AP3S1: variants seen among roughly 807,000 people sequenced by gnomAD.
The protein encoded by AP3S1 is AP-3 complex subunit sigma-1.
AP3S1 carries 12 observed loss-of-function variants against 21.3 expected under a neutral mutation model. The ratio of observed to expected loss-of-function variants is 0.56; its 90% CI spans 0.36 to 0.91. The LOEUF (loss-of-function observed/expected upper bound fraction) is 0.91, where lower values mean the gene tolerates loss of function less well. AP3S1 is among the 40% of genes least tolerant of loss of function. The probability of loss-of-function intolerance (pLI) is 0.01; values close to 1 mark genes in which losing one functional copy is unlikely to be tolerated. For synonymous variants in AP3S1, 48 were observed against 78.4 expected, an observed-to-expected ratio of 0.61 and a Z score of 2.05; for missense variants, 116 against 225.0, an observed-to-expected ratio of 0.52 and a Z score of 3.10.
intron 1 of AP3S1, among the ~76,000 whole-genome samples, chr5:115,842,888 AT>A (rs1344764177): frequency 6.6e-6 from 1 of 152,202 alleles, no homozygotes; most frequent in African/African-American, 2.4e-5. Context: ...AAAAGTTATG[AT>A]TTCAGCTTCT....
At chr5:115,906,674 G>A (rs1010243873) in intron 5 of AP3S1, 6 of 542,806 alleles carry the variant, frequency 1.1e-5, no homozygotes, top group Non-Finnish European at 1.8e-5. Context: ...GGTGGGGTTG[G>A]GGAGATCTGT....
intron 1 of AP3S1, among the ~76,000 whole-genome samples, chr5:115,854,116 A>G (rs1762632010): frequency 6.6e-6 from 1 of 152,128 alleles, no homozygotes; most frequent in Admixed American, 6.5e-5. Flanking sequence ...GTGGGAGAAA[A>G]CTTGCTTTGA....
Position 115,895,125 on chromosome 5 carries a change from C to G in AP3S1, c.312C>G (p.Val104=). Residue 104 remains valine (V), a synonymous_variant, in exon 4 of 6, where the codon GTC becomes GTG. Coordinates refer to ENST00000316788, the MANE Select transcript of AP3S1 (RefSeq NM_001284.4). ...VETLDKCFEN[V]CELDLIFHVD... is the part of the protein sequence containing the mutation. ...CATTAGACAAATGTTTTGAAAATGT[C>G]TGTGAGCTGGATTTGATTTTCCATG... 6.2e-7 allele frequency: 1 copy of G among 1,605,740 alleles called. No individual in the cohort carries two copies. Among genetic ancestry groups the G allele is most frequent in the South Asian group, 1.1e-5 (1 of 89,256 alleles).
chr5:115,898,558 GC>G (rs912636346), intron 4 of AP3S1: 1 of 152,238 alleles, frequency 6.6e-6, no homozygotes, highest in African/African-American at 2.4e-5. Context: ...ACAACACGGG[GC>G]TTGGGTTTTA....
At position 115,842,470 on chromosome 5, in the gene AP3S1, C is replaced by T. The variant is rs181033381; in HGVS notation, c.69+364C>T. ...GCGCCCAGTCCCCAAGAGCCCACCC[C>T]GCGCGGCTGCCTTCCTGCCGCCCGC... On this transcript the variant is annotated intron_variant, in intron 1 of 5. Coordinates refer to ENST00000316788, the MANE Select transcript of AP3S1 (RefSeq NM_001284.4). 643 of 185,094 alleles carry T rather than the reference C, an allele frequency of 3.5e-3. 2 individuals carry two copies. The highest frequency in any genetic ancestry group is 0.014 in the African/African-American group (617 of 42,832). 11.5% of individuals were successfully genotyped at this position (185,094 alleles called of 1,614,324 possible).
chr5:115,862,666 A>G (rs1763290337), intron 1 of AP3S1, among the ~76,000 whole-genome samples: 1 of 152,208 alleles, frequency 6.6e-6, no homozygotes, highest in South Asian at 2.1e-4. Context: ...ATGCTGTGTG[A>G]TGCTAATCAT....
At chr5:115,843,273 A>T (rs1204664494) in intron 1 of AP3S1, among the ~76,000 whole-genome samples, 1 of 152,262 alleles carries the variant, frequency 6.6e-6, no homozygotes, top group Non-Finnish European at 1.5e-5. Flanking sequence ...TAAGTCCCAG[A>T]TGGAAATCAA....
intron 5 of AP3S1, among the ~76,000 whole-genome samples, chr5:115,905,799 A>G (rs1345832785): frequency 1.3e-5 from 2 of 152,238 alleles, no homozygotes; most frequent in African/African-American, 2.4e-5. Context: ...GAAACAAAGT[A>G]TAAACTTTTC....
chr5:115,912,716 G>A (rs768355133), intron 5 of AP3S1, among the ~76,000 whole-genome samples: 11 of 151,964 alleles, frequency 7.2e-5, no homozygotes, highest in Non-Finnish European at 1.5e-4. Flanking sequence ...TCAAAGGGTT[G>A]GAATGATCCT....
intron 1 of AP3S1, among the ~76,000 whole-genome samples, chr5:115,852,317 A>T (rs1762493828): frequency 6.6e-6 from 1 of 152,142 alleles, no homozygotes. Context: ...CTTGCTGCTT[A>T]TAAAATGGAA....
chr5:115,904,529 T>G (rs1447581564), intron 5 of AP3S1, among the ~76,000 whole-genome samples: 2 of 152,220 alleles, frequency 1.3e-5, no homozygotes, highest in Non-Finnish European at 2.9e-5. Flanking sequence ...AAGGAGAAGT[T>G]TATAGTGGTG....
chr5:115,870,277 A>T (rs1434215035), intron 3 of AP3S1, 149 bp downstream of exon 3: 1 of 537,680 alleles, frequency 1.9e-6, no homozygotes, highest in Non-Finnish European at 3.2e-6. Flanking sequence ...AGGTCAGAGG[A>T]CATAGAAACA....
At chr5:115,908,607 A>C (rs1189372222) in intron 5 of AP3S1, among the ~76,000 whole-genome samples, 2 of 152,148 alleles carry the variant, frequency 1.3e-5, no homozygotes, top group African/African-American at 4.8e-5. Flanking sequence ...CTATGTTTGA[A>C]ATTAAAGCTA....
At chr5:115,907,588 A>G (rs1473632907) in intron 5 of AP3S1, among the ~76,000 whole-genome samples, 1 of 152,160 alleles carries the variant, frequency 6.6e-6, no homozygotes, top group Non-Finnish European at 1.5e-5. Context: ...ACCAAAATAC[A>G]ATGGGTTTTC....
chr5:115,855,679 A>G (rs1196905531), intron 1 of AP3S1, among the ~76,000 whole-genome samples: 2 of 152,210 alleles, frequency 1.3e-5, no homozygotes, highest in Non-Finnish European at 2.9e-5. Context: ...AAATATAAAA[A>G]AGGCAAAATA....
chr5:115,907,028 T>C (rs1475361905), intron 5 of AP3S1: 1 of 965,314 alleles, frequency 1.0e-6, no homozygotes, highest in Non-Finnish European at 1.2e-6. Context: ...TCTTCATCTT[T>C]TATTGGACTT....
At chr5:115,847,126 T>G (rs1762121942) in intron 1 of AP3S1, among the ~76,000 whole-genome samples, 1 of 152,220 alleles carries the variant, frequency 6.6e-6, no homozygotes, top group Admixed American at 6.5e-5. Context: ...CTGGACTGTG[T>G]CTTTCCCTTC....
At chr5:115,857,746 T>A (rs1762900138) in intron 1 of AP3S1, among the ~76,000 whole-genome samples, 1 of 152,336 alleles carries the variant, frequency 6.6e-6, no homozygotes, top group East Asian at 1.9e-4. Context: ...TAAAAATGAT[T>A]ATTTGGCTGT....
chr5:115,908,869 T>A, intron 5 of AP3S1: 1 of 517,226 alleles, frequency 1.9e-6, no homozygotes. Flanking sequence ...ATTTTCTTTT[T>A]TGCTCAAAAA....
Sources: allele counts gnomAD v4.1 joint callset (sites outside exome capture counted in the v4.1 genomes callset), GRCh38; gene constraint gnomAD v4.1.1; transcripts MANE v1.5; gene names NCBI Gene and HGNC (gene_info 2026-07-23, HGNC 2026-07-21).